Variants in CDYL2 observed in about 807,000 individuals in gnomAD.
CDYL2 encodes the protein chromodomain Y-like protein 2.
In CDYL2, 23 loss-of-function variants were observed where a neutral mutation model predicts 49.4. The observed-to-expected ratio is 0.47, with a 90% CI of 0.34 to 0.66. CDYL2 has a LOEUF of 0.66. Among genes scored for constraint, CDYL2 ranks in the 30% least tolerant of loss-of-function variants. The probability of loss-of-function intolerance (pLI) is 0.01; values close to 1 mark genes in which losing one functional copy is unlikely to be tolerated. For synonymous variants in CDYL2, 360 were observed against 268.8 expected, an observed-to-expected ratio of 1.34 and a Z score of -3.32; for missense variants, 678 against 656.4, an observed-to-expected ratio of 1.03 and a Z score of -0.36.
At chr16:80,781,968 C>A (rs1487434724) in intron 1 of CDYL2, among the ~76,000 whole-genome samples, 1 of 151,574 alleles carries the variant, frequency 6.6e-6, no homozygotes, top group Non-Finnish European at 1.5e-5. Context: ...ACATCAATAA[C>A]CTAACTGCAT....
chr16:80,635,142 G>C lies in CDYL2; in HGVS notation c.617-1906C>G, dbSNP rs1022532441. On this transcript the variant is annotated intron_variant, in intron 2 of 6. Transcript: ENST00000570137. Reference sequence around the variant, plus strand: ...CGCCACAATCAGGTATAAGAAGCTGGTTCAATATTTGGAAACCAATCAATG... The same window carrying C: ...CGCCACAATCAGGTATAAGAAGCTGCTTCAATATTTGGAAACCAATCAATG... Among the ~76,000 whole-genome samples, 13 of 152,174 alleles carry C rather than the reference G, an allele frequency of 8.5e-5. 1 individual carries two copies. The highest frequency in any genetic ancestry group is 3.1e-4 in the African/African-American group (13 of 41,436).
rs1210938135 is a variant in CDYL2, at chr16:80,667,020, G to T, written c.616+17518C>A. Among the ~76,000 whole-genome samples the T allele has an allele frequency of 7.2e-5, 11 of 152,328 alleles. No homozygotes were observed. The East Asian group carries it at 2.1e-3, about 29-fold the overall frequency. On this transcript the variant is annotated intron_variant, in intron 2 of 6. Coordinates refer to ENST00000570137, the MANE Select transcript of CDYL2 (RefSeq NM_152342.4). ...GTGTGACCACTACAAACCGAGGTCA[G>T]TGCTGTCAACCAAGAAACACCATTC...
At chr16:80,637,745 C>T (rs1400666310) in intron 2 of CDYL2, among the ~76,000 whole-genome samples, 1 of 152,096 alleles carries the variant, frequency 6.6e-6, no homozygotes, top group Non-Finnish European at 1.5e-5. Context: ...GTAGCTAGAA[C>T]AGAAGAATTG....
At chr16:80,724,472 C>A (rs1905102824) in intron 1 of CDYL2, among the ~76,000 whole-genome samples, 1 of 152,112 alleles carries the variant, frequency 6.6e-6, no homozygotes, top group Admixed American at 6.6e-5. Context: ...CTCTTCTACT[C>A]CCTGCAGCAT....
At chr16:80,695,113 A>C (rs1910568381) in intron 1 of CDYL2, among the ~76,000 whole-genome samples, 2 of 152,276 alleles carry the variant, frequency 1.3e-5, no homozygotes, top group Admixed American at 1.3e-4. Flanking sequence ...CTGCAGGCCA[A>C]ATCTGGCCAG....
At chr16:80,610,702 A>G (rs1270531179) in intron 5 of CDYL2, among the ~76,000 whole-genome samples, 1 of 152,170 alleles carries the variant, frequency 6.6e-6, no homozygotes, top group East Asian at 1.9e-4. Context: ...TCTGCTGTCC[A>G]AGAGGCATGA....
At chr16:80,709,455 G>A (rs924231515) in intron 1 of CDYL2, among the ~76,000 whole-genome samples, 15 of 150,554 alleles carry the variant, frequency 1.0e-4, no homozygotes, top group African/African-American at 1.5e-4. Context: ...TGAGCATAAC[G>A]CAAATTTTGC....
At chr16:80,619,202 GCC>G (rs1246187197) in intron 4 of CDYL2, among the ~76,000 whole-genome samples, 1 of 152,234 alleles carries the variant, frequency 6.6e-6, no homozygotes, top group East Asian at 1.9e-4. Context: ...TGCGTCTGGA[GCC>G]CACACTCCAA....
chr16:80,792,109 G>A (rs1907629213), intron 1 of CDYL2, among the ~76,000 whole-genome samples: 1 of 152,184 alleles, frequency 6.6e-6, no homozygotes, highest in South Asian at 2.1e-4. Flanking sequence ...ACTGAGGCTA[G>A]GAATCCAGAA....
chr16:80,770,711 A>AT (rs902618396), intron 1 of CDYL2, among the ~76,000 whole-genome samples: 14 of 152,244 alleles, frequency 9.2e-5, no homozygotes, highest in African/African-American at 3.1e-4. Flanking sequence ...CTAAGTTTTA[A>AT]TTTTTTAAAA....
At chr16:80,778,115 T>C (rs1350321685) in intron 1 of CDYL2, among the ~76,000 whole-genome samples, 2 of 152,030 alleles carry the variant, frequency 1.3e-5, no homozygotes, top group Non-Finnish European at 2.9e-5. Flanking sequence ...GGAATATCCA[T>C]TCTTTGTCAA....
At chr16:80,613,609 C>A (rs1208854013) in intron 4 of CDYL2, among the ~76,000 whole-genome samples, 2 of 152,164 alleles carry the variant, frequency 1.3e-5, no homozygotes, top group East Asian at 3.8e-4. Flanking sequence ...TCTCTCCCTG[C>A]CCTTCTGCAC....
intron 1 of CDYL2, among the ~76,000 whole-genome samples, chr16:80,778,753 C>T (rs946944715): frequency 3.3e-5 from 5 of 151,780 alleles, no homozygotes; most frequent in African/African-American, 1.2e-4. Context: ...CTTGAATTAC[C>T]AAATAATAAA....
intron 1 of CDYL2, among the ~76,000 whole-genome samples, chr16:80,702,466 C>A (rs1298883948): frequency 6.6e-6 from 1 of 152,204 alleles, no homozygotes; most frequent in South Asian, 2.1e-4. Flanking sequence ...GAAAAGCAGA[C>A]AGGTCTGGAC....
intron 1 of CDYL2, among the ~76,000 whole-genome samples, chr16:80,723,222 C>A (rs138487238): frequency 1.3e-5 from 2 of 152,206 alleles, no homozygotes; most frequent in African/African-American, 4.8e-5. Context: ...CATCTCCTCT[C>A]GGAGCTTTTC....
chr16:80,658,122 C>A lies in CDYL2; in HGVS notation c.617-24886G>T, dbSNP rs75303480. On this transcript the variant is annotated intron_variant, in intron 2 of 6. Transcript: ENST00000570137. ...CTTTTTTTTCCAAAAAAAAAAAAATCACAAGAAGAATAAACCAGAAAACAA... is the reference window on the plus strand; with the variant it reads ...CTTTTTTTTCCAAAAAAAAAAAAATAACAAGAAGAATAAACCAGAAAACAA... Among the ~76,000 whole-genome samples the A allele has an allele frequency of 9.6e-3, 1,390 of 145,194 alleles. 24 individuals carry two copies. The highest frequency in any genetic ancestry group is 0.033 in the African/African-American group (1,321 of 39,524).
intron 3 of CDYL2, chr16:80,627,529 A>G (rs953568604): frequency 2.0e-5 from 3 of 152,226 alleles, no homozygotes; most frequent in Admixed American, 6.5e-5. Context: ...AGTTATATCT[A>G]GTTTATATCT....
intron 1 of CDYL2, among the ~76,000 whole-genome samples, chr16:80,755,349 A>G (rs549485224): frequency 1.3e-5 from 2 of 152,172 alleles, no homozygotes; most frequent in Non-Finnish European, 2.9e-5. Context: ...CCCTCACCTA[A>G]GAGTCCCCCT....
rs532896628 is a variant in CDYL2, at chr16:80,686,849, C to T, written c.25-1720G>A. The stretch of plus-strand genomic sequence containing the variant: ...AATTGTTTCCTTAATTAATTTATCT[C>T]CATCCAAACTGGCTATCAAAATTTG... On this transcript the variant is annotated intron_variant, in intron 1 of 6. Transcript: ENST00000570137. Among the ~76,000 whole-genome samples the T allele has an allele frequency of 6.6e-5, 10 of 152,318 alleles. 1 individual carries two copies. Among genetic ancestry groups the T allele is most frequent in the African/African-American group, 2.4e-4 (10 of 41,566 alleles).
Sources: gnomAD v4.1 joint callset for allele counts (sites outside exome capture counted in the v4.1 genomes callset) on GRCh38, gnomAD v4.1.1 for gene constraint, MANE v1.5 for transcripts, NCBI Gene and HGNC (gene_info 2026-07-23, HGNC 2026-07-21) for gene names.